The following RTN4 variants were observed in gnomAD, a reference collection of about 807,000 sequenced individuals.
RTN4 encodes the protein reticulon 4.
RTN4 carries 32 observed loss-of-function variants against 90.4 expected under a neutral mutation model. That is an observed-to-expected ratio of 0.35 (90% CI 0.27 to 0.48). The LOEUF (loss-of-function observed/expected upper bound fraction) is 0.48, where lower values mean the gene tolerates loss of function less well. Among genes scored for constraint, RTN4 ranks in the 20% least tolerant of loss-of-function variants. The pLI is 0.99. For synonymous variants in RTN4, 629 were observed against 552.5 expected, an observed-to-expected ratio of 1.14 and a Z score of -1.94; for missense variants, 1,706 against 1,430.2, an observed-to-expected ratio of 1.19 and a Z score of -3.11.
chr2:55,061,215 G>A (rs1005843852), intron 2 of RTN4, among the ~76,000 whole-genome samples: 4 of 151,894 alleles, frequency 2.6e-5, no homozygotes, highest in Admixed American at 6.6e-5. Flanking sequence ...ACAGGCGCAC[G>A]CCACCACACC....
chr2:55,102,982 G>C (rs1363042884), intron 1 of RTN4, among the ~76,000 whole-genome samples: 1 of 151,794 alleles, frequency 6.6e-6, no homozygotes, highest in Non-Finnish European at 1.5e-5. Flanking sequence ...GCCGGGCATG[G>C]TGACACATGC....
intron 1 of RTN4, among the ~76,000 whole-genome samples, chr2:55,047,844 T>G (rs1667848158): frequency 6.6e-6 from 1 of 152,134 alleles, no homozygotes; most frequent in African/African-American, 2.4e-5. Flanking sequence ...TAAAACAACG[T>G]GACTAATAAT....
chr2:55,108,389 T>A (rs1025796131), intron 1 of RTN4, among the ~76,000 whole-genome samples: 1 of 152,074 alleles, frequency 6.6e-6, no homozygotes, highest in African/African-American at 2.4e-5. Flanking sequence ...TGCTCATCTC[T>A]TGCCAGGCAG....
intron 3 of RTN4, among the ~76,000 whole-genome samples, chr2:54,995,499 G>A (rs558279422): frequency 6.6e-6 from 1 of 152,154 alleles, no homozygotes; most frequent in East Asian, 1.9e-4. Flanking sequence ...CCTTCATACT[G>A]CATCATTTAT....
chr2:55,033,470 C>CG (rs746012440), intron 1 of RTN4, among the ~76,000 whole-genome samples: 4 of 152,164 alleles, frequency 2.6e-5, no homozygotes, highest in Non-Finnish European at 4.4e-5. Context: ...CAAACCAGAG[C>CG]GGGTCATCCA....
At chr2:55,092,535 G>A (rs1403405928) in intron 1 of RTN4, among the ~76,000 whole-genome samples, 5 of 152,110 alleles carry the variant, frequency 3.3e-5, no homozygotes, top group South Asian at 4.1e-4. Context: ...TGCCCGGCCC[G>A]AAGGAAGAGA....
chr2:54,975,597 T>C (rs1019803533), intron 5 of RTN4, among the ~76,000 whole-genome samples: 10 of 152,190 alleles, frequency 6.6e-5, no homozygotes, highest in Admixed American at 5.9e-4. Flanking sequence ...CCTTTAAAAA[T>C]GTACACCACC....
chr2:55,067,597 T>C (rs1455672307), intron 2 of RTN4, among the ~76,000 whole-genome samples: 1 of 152,116 alleles, frequency 6.6e-6, no homozygotes, highest in Non-Finnish European at 1.5e-5. Flanking sequence ...GTATTTTTTG[T>C]AGAGATAGGA....
chr2:55,033,699 CA>C (rs1031778803), intron 1 of RTN4, among the ~76,000 whole-genome samples: 26 of 152,204 alleles, frequency 1.7e-4, no homozygotes, highest in African/African-American at 5.8e-4. Context: ...GCCATGAGTT[CA>C]ATGTTAATGA....
At chr2:55,112,060 T>C (rs890108837) in intron 1 of RTN4, among the ~76,000 whole-genome samples, 1 of 152,166 alleles carries the variant, frequency 6.6e-6, no homozygotes, top group Admixed American at 6.5e-5. Context: ...TCCTATTAAA[T>C]GCTACCAAAC....
chr2:55,126,508 C>G, the RTN4 span, among the ~76,000 whole-genome samples: 1 of 152,120 alleles, frequency 6.6e-6, no homozygotes, highest in Non-Finnish European at 1.5e-5. Context: ...ATGGCTATCA[C>G]TAAAAAGTTA....
At chr2:54,998,761 C>T (rs1406574891) in intron 3 of RTN4, among the ~76,000 whole-genome samples, 1 of 152,124 alleles carries the variant, frequency 6.6e-6, no homozygotes, top group African/African-American at 2.4e-5. Flanking sequence ...ATAAAGGACA[C>T]CTTTCAATAA....
intron 1 of RTN4, among the ~76,000 whole-genome samples, chr2:55,087,136 G>T (rs2105039329): frequency 6.6e-6 from 1 of 152,244 alleles, no homozygotes; most frequent in South Asian, 2.1e-4. Context: ...CCAACAATTT[G>T]GGTGGTTATG....
chr2:55,049,153 T>A, intron 1 of RTN4: 1 of 986,240 alleles, frequency 1.0e-6, no homozygotes, highest in African/African-American at 1.7e-5. Flanking sequence ...GTTGGGTCAA[T>A]GTGGACGTTT....
At chr2:55,121,731 G>T in the RTN4 span, among the ~76,000 whole-genome samples, 6 of 152,102 alleles carry the variant, frequency 3.9e-5, no homozygotes, top group African/African-American at 1.4e-4. Flanking sequence ...TTTGAGTGAG[G>T]TACCAAGGGG....
the RTN4 span, among the ~76,000 whole-genome samples, chr2:55,125,781 G>C: frequency 6.6e-6 from 1 of 152,056 alleles, no homozygotes; most frequent in African/African-American, 2.4e-5. Context: ...TTTTAAAAAA[G>C]CCAGGCACGG....
chr2:55,078,551 T>C (rs1668645516), intron 2 of RTN4, among the ~76,000 whole-genome samples: 1 of 152,260 alleles, frequency 6.6e-6, no homozygotes, highest in Non-Finnish European at 1.5e-5. Flanking sequence ...TAGGAGACTT[T>C]AGCCTGTCTT....
At position 55,026,420 on chromosome 2, in the gene RTN4, T is replaced by C. The variant is rs748846202; in HGVS notation, c.1679A>G (p.Glu560Gly). The change falls in exon 3 of 9, where the codon GAA (glutamate) becomes GGA (glycine). Residue 560 changes from glutamate to glycine, a missense_variant. By Grantham distance (98) the Glu-to-Gly change is moderately conservative. Coordinates refer to ENST00000337526, the MANE Select transcript of RTN4 (RefSeq NM_020532.5). The stretch of plus-strand genomic sequence containing the variant: ...ACCAGTAACTTCATTCAATTCACTT[T>C]CACATGCTTCCTGTACTAAATCTGG... ...LTPDLVQEAC[E>G]SELNEVTGTK... The C allele has an allele frequency of 2.8e-5, 45 of 1,613,828 alleles. No individual in the cohort carries two copies. The highest frequency in any genetic ancestry group is 1.6e-4 in the Middle Eastern group (1 of 6,078).
chr2:55,010,277 T>A, intron 3 of RTN4: 1 of 1,476,034 alleles, frequency 6.8e-7, no homozygotes, highest in South Asian at 1.4e-5. Context: ...AGGACTGAAG[T>A]CACCTGACGT....
Sources: allele counts gnomAD v4.1 joint callset (sites outside exome capture counted in the v4.1 genomes callset), GRCh38; gene constraint gnomAD v4.1.1; transcripts MANE v1.5; gene names NCBI Gene and HGNC (gene_info 2026-07-23, HGNC 2026-07-21).